Variants in KCNH8 observed in about 807,000 individuals in gnomAD.
KCNH8 encodes voltage-gated delayed rectifier potassium channel KCNH8.
Under a neutral mutation model 103.6 loss-of-function variants are expected in KCNH8, and 70 were observed. That is an observed-to-expected ratio of 0.68 (90% CI 0.56 to 0.82). The LOEUF (loss-of-function observed/expected upper bound fraction) is 0.82, where lower values mean the gene tolerates loss of function less well. Among genes scored for constraint, KCNH8 ranks in the 40% least tolerant of loss-of-function variants. KCNH8 has a pLI of 0.00. For missense variants in KCNH8, 1,217 were observed against 1,329.9 expected (o/e 0.92, Z 1.32); for synonymous variants, 498 against 489.4 (o/e 1.02, Z -0.23).
intron 5 of KCNH8, among the ~76,000 whole-genome samples, chr3:19,380,910 T>C (rs1052452651): frequency 3.3e-5 from 5 of 152,234 alleles, no homozygotes; most frequent in Admixed American, 3.3e-4. Flanking sequence ...CAATTTCTAC[T>C]GATGGCATTC....
intron 11 of KCNH8, among the ~76,000 whole-genome samples, chr3:19,489,118 G>A (rs1465895926): frequency 6.6e-6 from 1 of 152,162 alleles, no homozygotes; most frequent in Non-Finnish European, 1.5e-5. Context: ...CAAGGGAGGA[G>A]TTTCTCCTTC....
intron 11 of KCNH8, among the ~76,000 whole-genome samples, chr3:19,478,390 C>T (rs1353336428): frequency 1.3e-5 from 2 of 151,850 alleles, no homozygotes; most frequent in Non-Finnish European, 2.9e-5. Context: ...ACTAGTTTAC[C>T]CACCAACAAT....
At chr3:19,233,595 A>G (rs2064022450) in intron 1 of KCNH8, among the ~76,000 whole-genome samples, 1 of 152,168 alleles carries the variant, frequency 6.6e-6, no homozygotes, top group African/African-American at 2.4e-5. Flanking sequence ...CATTTATTAT[A>G]ACATTGATGA....
At chr3:19,308,690 CTCTCTCTCTCTCTCTCTCT>C (rs2065163800) in intron 3 of KCNH8, among the ~76,000 whole-genome samples, 2 of 70,340 alleles carry the variant, frequency 2.8e-5, no homozygotes, top group African/African-American at 1.5e-4. Flanking sequence ...CTCTCTCTCT[CTCTCTCTCTCTCTCTCTCT>C]CTCTCTCTCC....
intron 1 of KCNH8, among the ~76,000 whole-genome samples, chr3:19,166,937 T>A (rs1407380517): frequency 6.6e-6 from 1 of 152,234 alleles, no homozygotes; most frequent in Non-Finnish European, 1.5e-5. Flanking sequence ...CAGCTCTGTT[T>A]AAAGTATCTC....
chr3:19,268,956 A>G (rs1421375818), intron 2 of KCNH8, among the ~76,000 whole-genome samples: 1 of 152,144 alleles, frequency 6.6e-6, no homozygotes, highest in Non-Finnish European at 1.5e-5. Context: ...AGAAGGAAGC[A>G]TCAAGGATGA....
chr3:19,527,925 T>C (rs932109445), intron 15 of KCNH8, among the ~76,000 whole-genome samples: 3 of 152,094 alleles, frequency 2.0e-5, no homozygotes, highest in African/African-American at 4.8e-5. Context: ...GAAGCACAGA[T>C]GGTGTTTTCA....
chr3:19,364,090 C>G (rs1436304397), intron 5 of KCNH8, among the ~76,000 whole-genome samples: 1 of 152,020 alleles, frequency 6.6e-6, no homozygotes, highest in African/African-American at 2.4e-5. Context: ...CTCTCCCTTC[C>G]TCTCTTCCTC....
chr3:19,456,873 T>C lies in KCNH8; in HGVS notation c.1931T>C (p.Leu644Pro). The C allele has an allele frequency of 6.2e-7, 1 of 1,612,568 alleles. No homozygotes were observed. Among genetic ancestry groups the C allele is most frequent in the Non-Finnish European group, 8.5e-7 (1 of 1,178,928 alleles). The change falls in exon 11 of 16, where the codon CTC becomes CCC. Residue 644 changes from leucine (L) to proline (P), a missense_variant. Physicochemically the swap from Leu to Pro is moderately conservative, Grantham distance 98. Transcript: ENST00000328405. ...LTYCDLQCIILKGLFEVLDLY... is the reference protein window; with the variant it reads ...LTYCDLQCIIPKGLFEVLDLY... ...TACTGTGATCTCCAGTGTATCATCC[T>C]CAAAGGACTCTTTGAAGTGCTAGAC...
chr3:19,173,905 C>G (rs1281685067), intron 1 of KCNH8, among the ~76,000 whole-genome samples: 1 of 151,458 alleles, frequency 6.6e-6, no homozygotes, highest in Non-Finnish European at 1.5e-5. Context: ...TCAGGTTTGA[C>G]TTTGACATCT....
At chr3:19,313,526 T>C (rs2065233120) in intron 3 of KCNH8, among the ~76,000 whole-genome samples, 1 of 151,884 alleles carries the variant, frequency 6.6e-6, no homozygotes. Flanking sequence ...TACTTACAGA[T>C]TGGGAACTAT....
intron 3 of KCNH8, among the ~76,000 whole-genome samples, chr3:19,289,139 T>A (rs531743553): frequency 6.6e-6 from 1 of 152,218 alleles, no homozygotes; most frequent in East Asian, 1.9e-4. Flanking sequence ...CTTTGTCAGA[T>A]GAGTAGATTG....
chr3:19,237,221 G>A (rs2064077861), intron 1 of KCNH8, among the ~76,000 whole-genome samples: 1 of 152,198 alleles, frequency 6.6e-6, no homozygotes, highest in South Asian at 2.1e-4. Flanking sequence ...TAATGGAAGA[G>A]TCTTCAGATA....
At chr3:19,457,243 T>A (rs2067547611) in intron 11 of KCNH8, among the ~76,000 whole-genome samples, 1 of 152,028 alleles carries the variant, frequency 6.6e-6, no homozygotes, top group African/African-American at 2.4e-5. Flanking sequence ...TGCTTAAAAC[T>A]ACAATCCATT....
chr3:19,278,934 T>C (rs952200323), intron 2 of KCNH8, among the ~76,000 whole-genome samples: 3 of 152,162 alleles, frequency 2.0e-5, no homozygotes, highest in Admixed American at 6.5e-5. Flanking sequence ...GGTGCACCTA[T>C]GCAAAGGCTC....
chr3:19,398,816 ATTAC>A (rs1559308938), intron 7 of KCNH8, among the ~76,000 whole-genome samples: 1 of 152,064 alleles, frequency 6.6e-6, no homozygotes, highest in Admixed American at 6.6e-5. Context: ...TATTATGACA[ATTAC>A]TTCTAATGAA....
At chr3:19,477,147 T>G (rs2067993401) in intron 11 of KCNH8, among the ~76,000 whole-genome samples, 1 of 152,126 alleles carries the variant, frequency 6.6e-6, no homozygotes, top group South Asian at 2.1e-4. Context: ...AAACTGTTAT[T>G]TAAGTATATG....
In KCNH8 at chr3:19,367,404, ATT is replaced by A. The variant is rs1199509599; in HGVS notation, c.811+19441_811+19442del. ...ACTCTCTCTCTCTCTCTATATATAT[ATT>A]TATATATATATCAGAAATATATATA... On this transcript the variant is annotated intron_variant, in intron 5 of 15. Transcript: ENST00000328405. Among the ~76,000 whole-genome samples, 25 of 144,256 alleles carry A rather than the reference ATT, an allele frequency of 1.7e-4. No individual in the cohort carries two copies. The East Asian group carries it at 4.4e-3, about 25-fold the overall frequency. The allele number at this position is 144,256 out of a possible 152,430, so 94.6% of individuals were successfully genotyped here.
At chr3:19,190,174 G>C (rs1016423485) in intron 1 of KCNH8, among the ~76,000 whole-genome samples, 1 of 151,862 alleles carries the variant, frequency 6.6e-6, no homozygotes, top group Non-Finnish European at 1.5e-5. Context: ...GTTTTCCATT[G>C]CTTCAAGAAA....
Sources: gnomAD v4.1 joint callset for allele counts (sites outside exome capture counted in the v4.1 genomes callset) on GRCh38, gnomAD v4.1.1 for gene constraint, MANE v1.5 for transcripts, NCBI Gene and HGNC (gene_info 2026-07-23, HGNC 2026-07-21) for gene names.